The following RNF145 variants were observed in gnomAD, a reference collection of about 807,000 sequenced individuals.
RNF145 encodes ring finger protein 145.
A neutral mutation model predicts 57.3 loss-of-function variants in RNF145; 12 were observed. That is an observed-to-expected ratio of 0.21 (90% CI 0.13 to 0.34). RNF145 has a LOEUF of 0.34. Among genes scored for constraint, RNF145 ranks in the 10% least tolerant of loss-of-function variants. The pLI is 1.00. For missense variants in RNF145, 429 were observed against 799.0 expected (o/e 0.54, Z 5.58); for synonymous variants, 262 against 288.3 (o/e 0.91, Z 0.92).
At chr5:159,199,220 C>A (rs893635121) in intron 2 of RNF145, among the ~76,000 whole-genome samples, 1 of 152,034 alleles carries the variant, frequency 6.6e-6, no homozygotes, top group African/African-American at 2.4e-5. Context: ...GGTCAAAAAG[C>A]AATGTAAAGT....
chr5:159,198,454 C>T (rs1785537445), intron 2 of RNF145, among the ~76,000 whole-genome samples: 1 of 152,070 alleles, frequency 6.6e-6, no homozygotes, highest in Admixed American at 6.6e-5. Flanking sequence ...TGGATTGTAA[C>T]AGTAGCTTTG....
At chr5:159,200,145 A>G (rs1025767575) in intron 2 of RNF145, among the ~76,000 whole-genome samples, 1 of 152,212 alleles carries the variant, frequency 6.6e-6, no homozygotes, top group Admixed American at 6.5e-5. Context: ...CCCCAAAATT[A>G]GTAATAATGC....
intron 9 of RNF145, 24 bp from the exon 10 acceptor site, chr5:159,161,646 G>A (rs374310644): frequency 1.1e-4 from 139 of 1,272,556 alleles, no homozygotes; most frequent in Non-Finnish European, 1.0e-4. Context: ...AAAAATGTAC[G>A]TATCTTGAAA....
At chr5:159,176,516 GA>G in intron 5 of RNF145, 115 bp downstream of exon 5, 1 of 663,436 alleles carries the variant, frequency 1.5e-6, no homozygotes, top group African/African-American at 1.8e-5. Flanking sequence ...CAGCTGTTTT[GA>G]AACTGCAAAA....
intron 6 of RNF145, among the ~76,000 whole-genome samples, chr5:159,173,193 C>T (rs920020910): frequency 6.6e-6 from 1 of 152,034 alleles, no homozygotes; most frequent in Non-Finnish European, 1.5e-5. Flanking sequence ...GAATGCAGCC[C>T]AACAAAAATT....
At chr5:159,209,761 C>T, upstream of RNF145, 1 of 1,312,050 alleles carries the variant, frequency 7.6e-7, no homozygotes, top group Non-Finnish European at 1.1e-6. Context: ...TGCAGAGACA[C>T]CTGGACGCGC....
chr5:159,169,555 CA>C, intron 7 of RNF145, 123 bp downstream of exon 7: 6 of 704,178 alleles, frequency 8.5e-6, no homozygotes, highest in Non-Finnish European at 1.3e-5. Flanking sequence ...ATGTTGCAAC[CA>C]TTCAAAAAAA....
At chr5:159,193,071 T>G (rs71593329) in intron 3 of RNF145, among the ~76,000 whole-genome samples, 22,323 of 152,202 alleles carry the variant, frequency 0.15, 1,795 homozygotes, top group Non-Finnish European at 0.19. Context: ...TGTATCAGTA[T>G]TGGTGCTTGG....
intron 9 of RNF145, among the ~76,000 whole-genome samples, chr5:159,162,228 ATTTT>A (rs1399795414): frequency 6.6e-6 from 1 of 152,160 alleles, no homozygotes; most frequent in African/African-American, 2.4e-5. Context: ...AACTATTGGT[ATTTT>A]TGAGTGGAAT....
At chr5:159,180,506 C>T (rs1784856135) in intron 4 of RNF145, among the ~76,000 whole-genome samples, 1 of 151,956 alleles carries the variant, frequency 6.6e-6, no homozygotes, top group South Asian at 2.1e-4. Context: ...ACAGGAAAAC[C>T]CTATAAGGCA....
chr5:159,187,541 C>T (rs549544061), intron 3 of RNF145, among the ~76,000 whole-genome samples: 1 of 152,000 alleles, frequency 6.6e-6, no homozygotes, highest in Non-Finnish European at 1.5e-5. Context: ...GTTGGCCAGG[C>T]TGGTCTCGAA....
chr5:159,192,767 G>A (rs977518536), intron 3 of RNF145, among the ~76,000 whole-genome samples: 12 of 152,140 alleles, frequency 7.9e-5, no homozygotes, highest in Admixed American at 2.0e-4. Context: ...TGACACCCAA[G>A]GTTATGGAGC....
At chr5:159,202,936 T>A (rs1051736686) in intron 2 of RNF145, among the ~76,000 whole-genome samples, 1 of 151,888 alleles carries the variant, frequency 6.6e-6, no homozygotes, top group Non-Finnish European at 1.5e-5. Flanking sequence ...AAAAAAAAAT[T>A]ATAGTTCCAG....
chr5:159,203,738 T>C (rs1785759207), intron 1 of RNF145, 82 bp from the exon 2 acceptor site: 1 of 830,174 alleles, frequency 1.2e-6, no homozygotes, highest in Non-Finnish European at 1.9e-6. Flanking sequence ...ATCTAATAGG[T>C]TGTCACACAC....
intron 6 of RNF145, among the ~76,000 whole-genome samples, chr5:159,172,669 A>AT (rs1562054014): frequency 6.6e-6 from 1 of 152,190 alleles, no homozygotes; most frequent in Non-Finnish European, 1.5e-5. Flanking sequence ...CAGTACCAGT[A>AT]TAAGTTTATC....
At chr5:159,178,732 C>G (rs982670406) in intron 4 of RNF145, among the ~76,000 whole-genome samples, 2 of 151,858 alleles carry the variant, frequency 1.3e-5, no homozygotes, top group Admixed American at 6.6e-5. Context: ...GATTTCCAAA[C>G]AGTAATATAA....
In RNF145 at chr5:159,163,097, TA is replaced by T; in HGVS notation, c.1122-19del. On this transcript the variant is annotated intron_variant, in intron 8 of 10. Coordinates refer to ENST00000424310, the MANE Select transcript of RNF145 (RefSeq NM_001199383.2). The stretch of plus-strand genomic sequence containing the variant: ...ACAAGCTCCTGGAGAAAGACAAAAT[TA>T]TTCTTTTTAAGTGCCTGCCACCTAG... 6.3e-7 allele frequency: 1 copy of T among 1,580,240 alleles called. No individual in the cohort carries two copies. The highest frequency in any genetic ancestry group is 1.7e-4 in the Middle Eastern group (1 of 5,852).
At chr5:159,188,729 C>A (rs771774665) in intron 3 of RNF145, among the ~76,000 whole-genome samples, 5 of 152,142 alleles carry the variant, frequency 3.3e-5, no homozygotes, top group Non-Finnish European at 5.9e-5. Flanking sequence ...GAATCTCTGA[C>A]ATTTAATTCT....
At chr5:159,190,579 T>A (rs1785254242) in intron 3 of RNF145, among the ~76,000 whole-genome samples, 1 of 150,550 alleles carries the variant, frequency 6.6e-6, no homozygotes, top group African/African-American at 2.4e-5. Context: ...TAGTCCCAGC[T>A]ATTCAAGAGG....
Sources: allele counts gnomAD v4.1 joint callset (sites outside exome capture counted in the v4.1 genomes callset), GRCh38; gene constraint gnomAD v4.1.1; transcripts MANE v1.5; gene names NCBI Gene and HGNC (gene_info 2026-07-23, HGNC 2026-07-21).